TTC23: variants seen among roughly 807,000 people sequenced by gnomAD.
The protein encoded by TTC23 is tetratricopeptide repeat domain 23, also known as tetratricopeptide repeat protein 23.
Under a neutral mutation model 55.1 loss-of-function variants are expected in TTC23, and 58 were observed. The ratio of observed to expected loss-of-function variants is 1.05; its 90% CI spans 0.85 to 1.31. The LOEUF is 1.31. Ranked by LOEUF, TTC23 falls within the 50% of genes most tolerant of loss-of-function variation. TTC23 has a pLI of 0.00. For synonymous variants in TTC23, 203 were observed against 199.9 expected (o/e 1.02, Z -0.13); for missense variants, 516 against 534.4 (o/e 0.97, Z 0.34).
chr15:99,163,096 A>AACAC (rs1274095116), intron 10 of TTC23, among the ~76,000 whole-genome samples: 1 of 151,748 alleles, frequency 6.6e-6, no homozygotes, highest in African/African-American at 2.4e-5. Flanking sequence ...AAAACAAACA[A>AACAC]ACAAACAAAC....
chr15:99,148,591 A>G lies in TTC23; in HGVS notation c.1143+7557T>C, dbSNP rs922630489. On this transcript the variant is annotated intron_variant, in intron 12 of 13. Coordinates refer to ENST00000394132, the MANE Select transcript of TTC23 (RefSeq NM_001288615.3). ...AACCCTGCTGAAGATAGTACCTAAT[A>G]CGGAGGCCAGATGATGACTGGACCC... 5.3e-5 allele frequency: 8 copies of G among 152,030 alleles called. No homozygotes were observed. In the East Asian group the frequency reaches 1.2e-3, roughly 22 times the overall value. 9.4% of individuals were successfully genotyped at this position (152,030 alleles called of 1,614,324 possible). A position where few individuals can be genotyped will look rare whatever the true frequency, so the allele number is the denominator to read the frequency against.
intron 6 of TTC23, 131 bp downstream of exon 6, chr15:99,221,610 A>T (rs966258465): frequency 1.7e-6 from 2 of 1,198,548 alleles, no homozygotes; most frequent in African/African-American, 1.5e-5. Context: ...CTTTCTAAAA[A>T]GAAATGGCTT....
At position 99,137,952 on chromosome 15, in the gene TTC23, T is replaced by C. The variant is rs1555487898; in HGVS notation, c.*58A>G. 4 of 1,608,564 alleles carry C rather than the reference T, an allele frequency of 2.5e-6. No individual in the cohort carries two copies. In the South Asian group the frequency reaches 3.3e-5, roughly 13 times the overall value. On this transcript the variant is annotated 3_prime_UTR_variant, in exon 14 of 14. Transcript: ENST00000394132. ...CCATTTTCTAGGCGGAGGTGATTTG[T>C]ACAGCACCCTAAATGACAGTGCCCA...
intron 4 of TTC23, among the ~76,000 whole-genome samples, chr15:99,229,156 T>C (rs938796092): frequency 6.6e-6 from 1 of 152,034 alleles, no homozygotes; most frequent in African/African-American, 2.4e-5. Flanking sequence ...TATATATATA[T>C]ATCTAAAGTC....
chr15:99,157,779 T>C (rs1437235812), intron 11 of TTC23: 1 of 152,218 alleles, frequency 6.6e-6, no homozygotes, highest in Non-Finnish European at 1.5e-5. Flanking sequence ...TATTTCCTGA[T>C]ATTAGCTTCT....
At chr15:99,139,071 C>T in intron 13 of TTC23, 2 of 554,494 alleles carry the variant, frequency 3.6e-6, no homozygotes, top group Admixed American at 2.5e-5. Flanking sequence ...CCTGCAGGGG[C>T]TGGTCTGCAG....
At chr15:99,146,069 C>T (rs1243767808) in intron 12 of TTC23, among the ~76,000 whole-genome samples, 1 of 152,226 alleles carries the variant, frequency 6.6e-6, no homozygotes, top group Non-Finnish European at 1.5e-5. Context: ...TCCCTTGACT[C>T]CCCCACGACT....
At chr15:99,196,687 G>A (rs914169246) in intron 9 of TTC23, among the ~76,000 whole-genome samples, 3 of 151,996 alleles carry the variant, frequency 2.0e-5, no homozygotes, top group South Asian at 2.1e-4. Flanking sequence ...ACCCCCAACC[G>A]GAACTGCTGC....
chr15:99,200,095 C>T lies in TTC23; in HGVS notation c.583G>A (p.Val195Met), dbSNP rs1294604740. The T allele has an allele frequency of 6.4e-7, 1 of 1,570,306 alleles. No individual in the cohort carries two copies. The highest frequency in any genetic ancestry group is 1.4e-5 in the African/African-American group (1 of 72,686). The change falls in exon 9 of 14, where the codon GTG becomes ATG. Residue 195 changes from valine (V) to methionine (M), a missense_variant and splice_region_variant. Physicochemically the swap from Val to Met is conservative, Grantham distance 21. Transcript: ENST00000394132. ...TTTGACTTCTTCTGACCTTGATACA[C>T]CCTAAAAAAATCAAAGGAATTATTT... ...EARIRLSFAQVYQGQKKSKEA... is the reference protein window; with the variant it reads ...EARIRLSFAQMYQGQKKSKEA...
chr15:99,172,455 T>A (rs1432077655), intron 10 of TTC23, among the ~76,000 whole-genome samples: 2 of 152,182 alleles, frequency 1.3e-5, no homozygotes, highest in South Asian at 2.1e-4. Flanking sequence ...TCTTCCTGTG[T>A]CCCTTGTCTG....
chr15:99,231,964 G>A (rs2078970554), intron 4 of TTC23, among the ~76,000 whole-genome samples: 2 of 150,942 alleles, frequency 1.3e-5, no homozygotes, highest in East Asian at 4.0e-4. Context: ...GGCTAATTTT[G>A]TATTTTTAGT....
In TTC23 at chr15:99,156,147, C is replaced by A. The variant is rs201596385; in HGVS notation, c.1143+1G>T. The A allele has an allele frequency of 1.3e-4, 205 of 1,614,036 alleles. No homozygotes were observed. Among genetic ancestry groups the A allele is most frequent in the Non-Finnish European group, 1.6e-4 (185 of 1,180,034 alleles). ...CGTGTTAGTACTGGTTCCAGCTTTA[C>A]CTTCTTCAGTTTCTTGCGGGCCCCA... On this transcript the variant is annotated splice_donor_variant, in intron 12 of 13. Transcript: ENST00000394132. LOFTEE classifies it high-confidence loss of function.
At chr15:99,172,607 G>C (rs2073091632) in intron 10 of TTC23, among the ~76,000 whole-genome samples, 1 of 152,160 alleles carries the variant, frequency 6.6e-6, no homozygotes. Context: ...ATGGGCCCTT[G>C]GAAAAATTAC....
chr15:99,140,318 A>C (rs1322010010), intron 12 of TTC23: 3 of 152,252 alleles, frequency 2.0e-5, no homozygotes, highest in African/African-American at 7.2e-5. Flanking sequence ...GATTTGAAGG[A>C]CTAAGTGTGA....
intron 10 of TTC23, among the ~76,000 whole-genome samples, chr15:99,168,298 T>A (rs2072426764): frequency 6.6e-6 from 1 of 152,134 alleles, no homozygotes; most frequent in Non-Finnish European, 1.5e-5. Flanking sequence ...GGTATAAATA[T>A]GCAGAGTGCC....
chr15:99,223,248 T>G (rs976623276), intron 5 of TTC23, among the ~76,000 whole-genome samples: 6 of 152,166 alleles, frequency 3.9e-5, no homozygotes, highest in Admixed American at 6.5e-5. Flanking sequence ...CTCCCCAACC[T>G]CCCTGAATTC....
chr15:99,231,133 A>G (rs950527370), intron 4 of TTC23, among the ~76,000 whole-genome samples: 2 of 152,202 alleles, frequency 1.3e-5, no homozygotes, highest in Non-Finnish European at 2.9e-5. Context: ...AAACAAACCT[A>G]TTGTGCTGCT....
chr15:99,156,722 A>C (rs2070640465), intron 11 of TTC23, among the ~76,000 whole-genome samples: 1 of 152,202 alleles, frequency 6.6e-6, no homozygotes, highest in East Asian at 1.9e-4. Flanking sequence ...ACACATGGGT[A>C]TTATAGGAAC....
intron 9 of TTC23, among the ~76,000 whole-genome samples, chr15:99,187,463 A>AAG (rs2074803767): frequency 9.0e-6 from 1 of 111,580 alleles, no homozygotes; most frequent in Non-Finnish European, 2.2e-5. Context: ...AAAAAAAAAA[A>AAG]AAAAACAAAA....
Sources: gnomAD v4.1 joint callset for allele counts (sites outside exome capture counted in the v4.1 genomes callset) on GRCh38, gnomAD v4.1.1 for gene constraint, MANE v1.5 for transcripts, NCBI Gene and HGNC (gene_info 2026-07-23, HGNC 2026-07-21) for gene names.